SLC11A1: variants seen among roughly 807,000 people sequenced by gnomAD.
SLC11A1 encodes natural resistance-associated macrophage protein 1.
SLC11A1 carries 59 observed loss-of-function variants against 63.2 expected under a neutral mutation model. The ratio of observed to expected loss-of-function variants is 0.93; its 90% confidence interval spans 0.76 to 1.16. SLC11A1 has a LOEUF of 1.16. Among genes scored for constraint, SLC11A1 ranks in the 50% most tolerant of loss-of-function variants. The pLI is 0.00. For synonymous variants in SLC11A1, 305 were observed against 307.8 expected (o/e 0.99, Z 0.09); for missense variants, 688 against 730.7 (o/e 0.94, Z 0.67).
At position 218,391,455 on chromosome 2, in the gene SLC11A1, C is replaced by T. The variant is rs1407747739; in HGVS notation, c.1124C>T (p.Ser375Phe). The change falls in exon 11 of 15, where the codon TCC becomes TTC. Residue 375 changes from serine to phenylalanine, a missense_variant. Physicochemically the swap from Ser to Phe is radical, Grantham distance 155. Transcript: ENST00000233202. ...AIGLLAAGQSSTMTGTYAGQF... is the reference protein window; with the variant it reads ...AIGLLAAGQSFTMTGTYAGQF... ...GGTCTCCTGGCGGCTGGGCAGAGCT[C>T]CACCATGACGGGCACCTACGCGGGA... The T allele has an allele frequency of 6.2e-7, 1 of 1,612,316 alleles. No homozygotes were observed. Among genetic ancestry groups the T allele is most frequent in the East Asian group, 2.2e-5 (1 of 44,780 alleles).
rs1696686278 is a variant in SLC11A1 at position 218,395,067 on chromosome 2, G to A, written c.*32G>A. 1 of 1,510,242 alleles carries A rather than the reference G, an allele frequency of 6.6e-7. No individual in the cohort carries two copies. The highest frequency in any genetic ancestry group is 1.4e-5 in the African/African-American group (1 of 72,356). The allele number at this position is 1,510,242 out of a possible 1,614,324, so 93.6% of individuals were successfully genotyped here. A position where few individuals can be genotyped will look rare whatever the true frequency, so the allele number is the denominator to read the frequency against. ...ACCAGGGCCTGGCTGGGAGTGGCAT[G>A]TATGACGTGACTGGCCTGCTGGATG... On this transcript the variant is annotated 3_prime_UTR_variant, in exon 15 of 15. Coordinates refer to ENST00000233202, the MANE Select transcript of SLC11A1 (RefSeq NM_000578.4).
At chr2:218,385,055 C>G (rs560794665) in intron 3 of SLC11A1, 92 bp from the exon 4 acceptor site, 4 of 1,554,750 alleles carry the variant, frequency 2.6e-6, no homozygotes, top group Non-Finnish European at 3.5e-6. Flanking sequence ...ACCCCCTCCC[C>G]GAGGAGTATG....
chr2:218,384,351 G>A lies in SLC11A1; in HGVS notation c.259G>A (p.Val87Met), dbSNP rs200995084. 59 of 1,603,876 alleles carry A rather than the reference G, an allele frequency of 3.7e-5. No homozygotes were observed. The highest frequency in any genetic ancestry group is 3.1e-4 in the East Asian group (14 of 44,516). The change falls in exon 3 of 15, where the codon GTG becomes ATG. Residue 87 changes from valine (V) to methionine (M), a missense_variant. Val to Met is a conservative substitution (Grantham distance 21, BLOSUM62 1). Coordinates refer to ENST00000233202, the MANE Select transcript of SLC11A1 (RefSeq NM_000578.4). The surrounding 1 kb of genome is among the most constrained non-coding windows in gnomAD (Gnocchi z 4.0). ...NIESDLQAGA[V>M]AGFKLLWVLL... is the part of the protein sequence containing the mutation. ...CGAGTCAGATCTTCAGGCTGGCGCC[G>A]TGGCGGGATTCAAAGTAACTAAGTC...
intron 14 of SLC11A1, 24 bp downstream of exon 14, chr2:218,394,809 T>C (rs749142741): frequency 6.2e-7 from 1 of 1,610,386 alleles, no homozygotes; most frequent in South Asian, 1.1e-5. Flanking sequence ...AGGGGATGCC[T>C]TGGGAATGGA....
At chr2:218,383,308 T>A (rs1559114941) in intron 2 of SLC11A1, 3 of 572,260 alleles carry the variant, frequency 5.2e-6, no homozygotes, top group Non-Finnish European at 9.2e-6. Flanking sequence ...TAAAAGCGAT[T>A]AAATGACTTT....
In SLC11A1 at chr2:218,394,194, G is replaced by GTCTCA; in HGVS notation, c.1388+2_1388+3insCTCAT. The stretch of plus-strand genomic sequence containing the variant: ...TCATGCAGGAGTTTGCCAATGGCCT[G>GTCTCA]TGAGTACCCCCTTTCCCAAGTGCTG... On this transcript the variant is annotated splice_donor_variant, in intron 13 of 14. Transcript: ENST00000233202. LOFTEE classifies it high-confidence loss of function. 6.2e-7 allele frequency: 1 copy of GTCTCA among 1,614,040 alleles called. No individual in the cohort carries two copies.
chr2:218,388,216 A>C, intron 8 of SLC11A1: 3 of 390,248 alleles, frequency 7.7e-6, no homozygotes, highest in Non-Finnish European at 1.4e-5. Context: ...AAAAATACAA[A>C]AACTAGCTGG....
chr2:218,386,227 T>C (rs976598075), intron 4 of SLC11A1, among the ~76,000 whole-genome samples: 4 of 151,938 alleles, frequency 2.6e-5, no homozygotes, highest in African/African-American at 9.7e-5. Context: ...CCAAGGCGGG[T>C]GGATCACCTG....
chr2:218,392,729 C>G (rs115576915), intron 11 of SLC11A1: 4,866 of 430,066 alleles, frequency 0.011, 36 homozygotes, highest in Middle Eastern at 0.014. Context: ...TTGCTGGAAG[C>G]TGCAGACCCA....
intron 12 of SLC11A1, 134 bp downstream of exon 12, chr2:218,393,264 C>A (rs1316357029): frequency 6.8e-5 from 61 of 898,656 alleles, no homozygotes; most frequent in Middle Eastern, 7.2e-4. Context: ...CTTCCATTGT[C>A]CCCACAGCCA....
intron 14 of SLC11A1, 30 bp from the exon 15 acceptor site, chr2:218,394,895 C>T: frequency 1.2e-6 from 2 of 1,607,310 alleles, no homozygotes; most frequent in Non-Finnish European, 8.5e-7. Flanking sequence ...GTCTTGGCAT[C>T]TCCCCAATTC....
rs776874985 is a variant in SLC11A1 at position 218,391,358 on chromosome 2, C to T, written c.1045-18C>T. 9.3e-6 allele frequency: 15 copies of T among 1,613,834 alleles called. No homozygotes were observed. The highest frequency in any genetic ancestry group is 1.6e-4 in the Middle Eastern group (1 of 6,084). On this transcript the variant is annotated intron_variant, in intron 10 of 14. Coordinates refer to ENST00000233202, the MANE Select transcript of SLC11A1 (RefSeq NM_000578.4). ...GCCTCGGGCAGGGCCACCGGTCCTACCACACTCGTCCCTGCAGGGCGTGAT... is the reference window on the plus strand; with the variant it reads ...GCCTCGGGCAGGGCCACCGGTCCTATCACACTCGTCCCTGCAGGGCGTGAT...
chr2:218,388,745 T>A (rs2106333677), intron 8 of SLC11A1, among the ~76,000 whole-genome samples: 1 of 151,908 alleles, frequency 6.6e-6, no homozygotes, highest in Middle Eastern at 3.4e-3. Flanking sequence ...GAAGTTGCAG[T>A]GAGGGGAGAT....
Position 218,384,258 on chromosome 2 carries a change from C to T in SLC11A1, c.166C>T (p.Arg56Trp), listed in dbSNP as rs141992116. The change falls in exon 3 of 15, where the codon CGG (arginine) becomes TGG (tryptophan). Residue 56 changes from arginine (R) to tryptophan (W), a missense_variant. By Grantham distance (101) the Arg-to-Trp change is moderately radical. Transcript: ENST00000233202. This position sits in a 1 kb window ranked among gnomAD's most constrained non-coding sequence, Gnocchi z 4.0. ...PDTKPGTFSL[R>W]KLWAFTGPGF... ...CCCCCAACAGGGCACCTTCAGCCTG[C>T]GGAAGCTATGGGCCTTCACGGGGCC... 1.2e-5 allele frequency: 19 copies of T among 1,599,918 alleles called. No individual in the cohort carries two copies. The highest frequency in any genetic ancestry group is 1.1e-4 in the African/African-American group (8 of 74,622).
chr2:218,394,726 G>A lies in SLC11A1; in HGVS notation c.1483G>A (p.Ala495Thr). 3 of 1,613,872 alleles carry A rather than the reference G, an allele frequency of 1.9e-6. No homozygotes were observed. Among genetic ancestry groups the A allele is most frequent in the Non-Finnish European group, 2.5e-6 (3 of 1,180,036 alleles). The change falls in exon 14 of 15, where the codon GCC becomes ACC. Residue 495 changes from alanine (A) to threonine (T), a missense_variant. Coordinates refer to ENST00000233202, the MANE Select transcript of SLC11A1 (RefSeq NM_000578.4). Reference protein sequence around the residue: ...VSYLPSLPHPAYFGLAALLAA... With the variant: ...VSYLPSLPHPTYFGLAALLAA... ...CTATCTGCCCAGCCTGCCCCACCCT[G>A]CCTACTTCGGCCTTGCAGCCTTGCT...
At chr2:218,385,648 C>T (rs909305091) in intron 4 of SLC11A1, 22 of 361,690 alleles carry the variant, frequency 6.1e-5, no homozygotes, top group Non-Finnish European at 1.2e-4. Context: ...ACCTCAGTCT[C>T]CCAAAGTGCT....
intron 5 of SLC11A1, 67 bp downstream of exon 5, chr2:218,386,808 A>C: frequency 1.7e-6 from 2 of 1,152,766 alleles, no homozygotes; most frequent in Non-Finnish European, 2.6e-6. Context: ...TTCCCCCCCT[A>C]ACCAGTCCCT....
Position 218,391,395 on chromosome 2 carries a change from T to C in SLC11A1, c.1064T>C (p.Leu355Pro), listed in dbSNP as rs1036498512. Residue 355 changes from leucine (L) to proline (P), a missense_variant, in exon 11 of 15, where the codon CTG becomes CCG. Coordinates refer to ENST00000233202, the MANE Select transcript of SLC11A1 (RefSeq NM_000578.4). ...CTGCAGGGCGTGATCCTGGGCTGCC[T>C]GTTCGGCCCCGCGGCCCTCTACATC... ...IYQGGVILGC[L>P]FGPAALYIWA... 3 of 1,613,916 alleles carry C rather than the reference T, an allele frequency of 1.9e-6. No individual in the cohort carries two copies. Among genetic ancestry groups the C allele is most frequent in the Non-Finnish European group, 2.5e-6 (3 of 1,179,950 alleles).
At chr2:218,388,160 G>A (rs1236895719) in intron 8 of SLC11A1, 1 of 593,910 alleles carries the variant, frequency 1.7e-6, no homozygotes, top group Non-Finnish European at 2.9e-6. Context: ...ACGAGGTCAA[G>A]AGATCGACAC....
Sources: allele counts gnomAD v4.1 joint callset (sites outside exome capture counted in the v4.1 genomes callset), GRCh38; gene constraint gnomAD v4.1.1; non-coding constraint Gnocchi (gnomAD v3.1); transcripts MANE v1.5; gene names NCBI Gene and HGNC (gene_info 2026-07-23, HGNC 2026-07-21).